The following PUM2 variants were observed in gnomAD, a reference collection of about 807,000 sequenced individuals.
The protein encoded by PUM2 is pumilio homolog 2.
A neutral mutation model predicts 124.5 loss-of-function variants in PUM2; 57 were observed. The observed-to-expected ratio is 0.46, with a 90% confidence interval of 0.37 to 0.57. The LOEUF (loss-of-function observed/expected upper bound fraction) is 0.57. PUM2 is among the 20% of genes least tolerant of loss of function. The pLI is 0.00. For missense variants in PUM2, 1,065 were observed against 1,290.6 expected (o/e 0.83, Z 2.68); for synonymous variants, 460 against 446.1 (o/e 1.03, Z -0.39).
chr2:20,252,401 T>A (rs985918847), intron 20 of PUM2, among the ~76,000 whole-genome samples: 1 of 152,148 alleles, frequency 6.6e-6, no homozygotes, highest in Non-Finnish European at 1.5e-5. Flanking sequence ...ACAGAGACCC[T>A]GTCTTGAAAG....
chr2:20,290,035 C>T (rs1673637234), intron 10 of PUM2, among the ~76,000 whole-genome samples: 3 of 152,170 alleles, frequency 2.0e-5, no homozygotes, highest in Admixed American at 2.0e-4. Context: ...AACAACCGTT[C>T]TTCCTCCATT....
chr2:20,272,847 A>G (rs1013264810), intron 13 of PUM2, among the ~76,000 whole-genome samples: 1 of 152,240 alleles, frequency 6.6e-6, no homozygotes, highest in Non-Finnish European at 1.5e-5. Flanking sequence ...TATAGTTTAT[A>G]ATGTAAAAGA....
At chr2:20,267,895 A>G (rs970376157) in intron 13 of PUM2, among the ~76,000 whole-genome samples, 1 of 152,208 alleles carries the variant, frequency 6.6e-6, no homozygotes, top group Non-Finnish European at 1.5e-5. Context: ...AAATCTGTGG[A>G]AGCTGAACTC....
intron 5 of PUM2, among the ~76,000 whole-genome samples, chr2:20,311,148 A>C (rs1679501825): frequency 6.6e-6 from 1 of 151,700 alleles, no homozygotes; most frequent in Admixed American, 6.6e-5. Context: ...AGCACTCCCA[A>C]GAGGGGAAAA....
In PUM2 at chr2:20,251,579, T is replaced by C. The variant is rs1322659436; in HGVS notation, c.*6A>G. The C allele has an allele frequency of 6.2e-7, 1 of 1,609,226 alleles. No homozygotes were observed. Among genetic ancestry groups the C allele is most frequent in the Non-Finnish European group, 8.5e-7 (1 of 1,178,020 alleles). On this transcript the variant is annotated 3_prime_UTR_variant, in exon 21 of 21. Transcript: ENST00000361078. ...TAAATTATCTTCTTTCTCTTGCTCC[T>C]GTAATTTACAGCATTCCATTTGGTG...
At chr2:20,262,761 A>C (rs1259255475) in intron 14 of PUM2, among the ~76,000 whole-genome samples, 1 of 152,240 alleles carries the variant, frequency 6.6e-6, no homozygotes, top group Non-Finnish European at 1.5e-5. Flanking sequence ...TAATGTAAAA[A>C]GGCACCAAAT....
Position 20,263,377 on chromosome 2 carries a change from T to A in PUM2, c.2041A>T (p.Ser681Cys). 16 of 1,614,154 alleles carry A rather than the reference T, an allele frequency of 9.9e-6. No individual in the cohort carries two copies. Among genetic ancestry groups the A allele is most frequent in the Non-Finnish European group, 1.4e-5 (16 of 1,179,946 alleles). ...AGCTGGCTGCTGGAGCTAAATAGAC[T>A]GGAAGTGCTTGAAGCACTTCGATAT... ...AKYRSASSTS[S>C]LFSSSSQLFP... Residue 681 changes from serine (S) to cysteine (C), a missense_variant, in exon 14 of 21, where the codon AGT becomes TGT. This residue lies in a region of PUM2 where 968 missense variants were observed against 1,159.8 expected (regional missense o/e 0.83). Coordinates refer to ENST00000361078, the MANE Select transcript of PUM2 (RefSeq NM_015317.5).
chr2:20,291,421 G>A (rs774342480), intron 9 of PUM2, among the ~76,000 whole-genome samples: 10 of 152,104 alleles, frequency 6.6e-5, no homozygotes, highest in East Asian at 3.9e-4. Flanking sequence ...TATCCTCCTC[G>A]CTCGGCGTCT....
rs376327261 is a variant in PUM2 at position 20,254,307 on chromosome 2, T to G, written c.2871-293A>C. ...TCCCCCATAGCTGAGACTACAGGCA[T>G]GCGCCACCACGCCTGGATAATTTTT... On this transcript the variant is annotated intron_variant, in intron 19 of 20. Coordinates refer to ENST00000361078, the MANE Select transcript of PUM2 (RefSeq NM_015317.5). 9.9e-5 allele frequency among the ~76,000 whole-genome samples: 15 copies of G among 152,202 alleles called. 1 individual carries two copies. Among genetic ancestry groups the G allele is most frequent in the African/African-American group, 3.6e-4 (15 of 41,550 alleles).
intron 13 of PUM2, among the ~76,000 whole-genome samples, chr2:20,275,234 T>G (rs935146036): frequency 1.3e-5 from 2 of 151,882 alleles, no homozygotes; most frequent in Admixed American, 1.3e-4. Context: ...GAACCAAAAA[T>G]AGATATAAAA....
intron 20 of PUM2, among the ~76,000 whole-genome samples, chr2:20,252,384 C>T (rs577639518): frequency 1.3e-5 from 2 of 152,280 alleles, no homozygotes; most frequent in South Asian, 4.1e-4. Context: ...GCACTCCAGC[C>T]TGTGCAACAG....
intron 1 of PUM2, among the ~76,000 whole-genome samples, chr2:20,338,636 C>G (rs547210426): frequency 6.6e-6 from 1 of 152,296 alleles, no homozygotes; most frequent in African/African-American, 2.4e-5. Context: ...AAATCCCACA[C>G]AATCTCATCA....
At chr2:20,328,350 A>C (rs1684160647) in intron 1 of PUM2, among the ~76,000 whole-genome samples, 2 of 152,144 alleles carry the variant, frequency 1.3e-5, no homozygotes, top group Admixed American at 6.5e-5. Flanking sequence ...AACAAAAAAA[A>C]CACAAACACA....
chr2:20,264,725 G>A (rs1343560998), intron 13 of PUM2, among the ~76,000 whole-genome samples: 1 of 152,020 alleles, frequency 6.6e-6, no homozygotes, highest in Non-Finnish European at 1.5e-5. Flanking sequence ...ATGCAGAGTA[G>A]TACTATATAT....
chr2:20,257,969 C>T (rs1408012016), intron 16 of PUM2, among the ~76,000 whole-genome samples: 1 of 152,174 alleles, frequency 6.6e-6, no homozygotes, highest in Non-Finnish European at 1.5e-5. Context: ...TGCATTCTCA[C>T]ATTGCAGAAA....
intron 13 of PUM2, among the ~76,000 whole-genome samples, chr2:20,264,367 A>ATAT (rs57739776): frequency 3.8e-5 from 1 of 26,612 alleles, no homozygotes; most frequent in Non-Finnish European, 6.9e-5. Flanking sequence ...AAAAAAAAAA[A>ATAT]ATATATATAT....
intron 1 of PUM2, among the ~76,000 whole-genome samples, chr2:20,340,284 G>A (rs1240456786): frequency 6.6e-6 from 1 of 152,226 alleles, no homozygotes; most frequent in South Asian, 2.1e-4. Context: ...CAACAGCAAT[G>A]TAAGATAGGA....
intron 7 of PUM2, among the ~76,000 whole-genome samples, chr2:20,303,444 T>C (rs1677480618): frequency 6.6e-6 from 1 of 151,378 alleles, no homozygotes; most frequent in Non-Finnish European, 1.5e-5. Flanking sequence ...AGTTTTTTTT[T>C]TTTTTTTTCA....
chr2:20,272,478 T>C (rs1331305138), intron 13 of PUM2, among the ~76,000 whole-genome samples: 1 of 152,206 alleles, frequency 6.6e-6, no homozygotes, highest in Non-Finnish European at 1.5e-5. Flanking sequence ...GGTCATTAGG[T>C]ATCTAAATGA....
Sources: gnomAD v4.1 joint callset for allele counts (sites outside exome capture counted in the v4.1 genomes callset) on GRCh38, gnomAD v4.1.1 for gene constraint, gnomAD v4.1.1 regional missense constraint, MANE v1.5 for transcripts, NCBI Gene and HGNC (gene_info 2026-07-23, HGNC 2026-07-21) for gene names.